The following ERC2 variants were observed in gnomAD, a reference collection of about 807,000 sequenced individuals.
ERC2 encodes the protein ERC protein 2.
In ERC2, 42 loss-of-function variants were observed where a neutral mutation model predicts 114.8. The observed-to-expected ratio is 0.37, with a 90% CI of 0.29 to 0.47. ERC2 has a LOEUF of 0.47. ERC2 is among the 20% of genes least tolerant of loss of function. ERC2 has a pLI of 0.99. For synonymous variants in ERC2, 454 were observed against 425.5 expected (o/e 1.07, Z -0.82); for missense variants, 939 against 1,150.7 (o/e 0.82, Z 2.66).
In ERC2 at chr3:56,296,011, G is replaced by C; in HGVS notation, c.1074+8C>G. Reference sequence around the variant, plus strand: ...AAGGCTTTGGGGAAATACAGTGAATGCTCTTACCTCTCTAAGATGTATGTT... The same window carrying C: ...AAGGCTTTGGGGAAATACAGTGAATCCTCTTACCTCTCTAAGATGTATGTT... On this transcript the variant is annotated splice_region_variant and intron_variant, in intron 3 of 17. Coordinates refer to ENST00000288221, the MANE Select transcript of ERC2 (RefSeq NM_015576.3). 6.4e-7 allele frequency: 1 copy of C among 1,561,254 alleles called. No individual in the cohort carries two copies. Among genetic ancestry groups the C allele is most frequent in the Non-Finnish European group, 8.7e-7 (1 of 1,154,078 alleles).
At chr3:55,814,255 C>T (rs1171399727) in intron 14 of ERC2, among the ~76,000 whole-genome samples, 1 of 152,170 alleles carries the variant, frequency 6.6e-6, no homozygotes, top group Non-Finnish European at 1.5e-5. Context: ...ATCCAACCTT[C>T]AGGGTTATTT....
chr3:55,590,503 A>C (rs1331755675), intron 17 of ERC2, among the ~76,000 whole-genome samples: 3 of 152,234 alleles, frequency 2.0e-5, no homozygotes, highest in African/African-American at 7.2e-5. Context: ...AATGCCCATC[A>C]AAAGGACATA....
chr3:55,605,536 C>T (rs1159230943), intron 17 of ERC2, among the ~76,000 whole-genome samples: 8 of 152,124 alleles, frequency 5.3e-5, no homozygotes, highest in Non-Finnish European at 8.8e-5. Flanking sequence ...TCATTGCATA[C>T]GGAAGTACTC....
chr3:56,139,089 G>C (rs1434370310), intron 6 of ERC2, among the ~76,000 whole-genome samples: 1 of 152,020 alleles, frequency 6.6e-6, no homozygotes, highest in Non-Finnish European at 1.5e-5. Context: ...TATGATTTTT[G>C]ATAAAATGAA....
At chr3:56,071,686 G>T (rs2076745405) in intron 7 of ERC2, among the ~76,000 whole-genome samples, 1 of 152,098 alleles carries the variant, frequency 6.6e-6, no homozygotes, top group Non-Finnish European at 1.5e-5. Context: ...TCCTAGCTTT[G>T]GTTCCTTTGA....
At chr3:55,542,958 C>T (rs1281001204) in intron 17 of ERC2, among the ~76,000 whole-genome samples, 6 of 152,216 alleles carry the variant, frequency 3.9e-5, no homozygotes, top group Non-Finnish European at 8.8e-5. Context: ...AGAAGGGAAT[C>T]CTCTGCAGGG....
intron 14 of ERC2, among the ~76,000 whole-genome samples, chr3:55,761,452 A>G (rs2067422898): frequency 6.6e-6 from 1 of 150,842 alleles, no homozygotes; most frequent in Non-Finnish European, 1.5e-5. Context: ...TCCATGTGTT[A>G]TCTGGCAACC....
At chr3:55,577,359 A>G (rs913040016) in intron 17 of ERC2, among the ~76,000 whole-genome samples, 1 of 152,220 alleles carries the variant, frequency 6.6e-6, no homozygotes, top group Non-Finnish European at 1.5e-5. Flanking sequence ...TCTACTAATA[A>G]AAGGGCAGTG....
intron 15 of ERC2, among the ~76,000 whole-genome samples, chr3:55,712,341 T>A (rs981590342): frequency 2.6e-5 from 4 of 152,138 alleles, no homozygotes; most frequent in Non-Finnish European, 5.9e-5. Context: ...AGGAGCCCAG[T>A]CATTTGAACA....
intron 17 of ERC2, among the ~76,000 whole-genome samples, chr3:55,647,591 G>C (rs2060450065): frequency 6.6e-6 from 1 of 152,094 alleles, no homozygotes; most frequent in Non-Finnish European, 1.5e-5. Context: ...AAGAGAGAGA[G>C]AGAGACAGAG....
chr3:56,421,869 T>A (rs943453976), intron 2 of ERC2, among the ~76,000 whole-genome samples: 3 of 152,172 alleles, frequency 2.0e-5, no homozygotes, highest in African/African-American at 7.2e-5. Flanking sequence ...GGGTTTCTGC[T>A]ACTTGCAACC....
chr3:55,717,132 AATCTAACTATTT>A (rs1314866805), intron 15 of ERC2, among the ~76,000 whole-genome samples: 5 of 152,226 alleles, frequency 3.3e-5, no homozygotes, highest in Admixed American at 3.3e-4. Flanking sequence ...TGCTGCAGGT[AATCTAACTATTT>A]TAAACATTGA....
intron 6 of ERC2, among the ~76,000 whole-genome samples, chr3:56,102,152 T>C (rs769329126): frequency 2.6e-5 from 4 of 152,120 alleles, no homozygotes; most frequent in Non-Finnish European, 4.4e-5. Flanking sequence ...GAATCGCAAA[T>C]CAAATGCAAA....
At chr3:56,272,495 C>A (rs564920745) in intron 3 of ERC2, among the ~76,000 whole-genome samples, 2 of 152,348 alleles carry the variant, frequency 1.3e-5, no homozygotes, top group South Asian at 4.1e-4. Context: ...TAAGGCCAGG[C>A]ACAGTGGCTC....
chr3:55,682,585 T>C (rs2062112026), intron 17 of ERC2, among the ~76,000 whole-genome samples: 1 of 152,186 alleles, frequency 6.6e-6, no homozygotes, highest in South Asian at 2.1e-4. Context: ...GTACCAGCTC[T>C]TGGTTAAACT....
intron 14 of ERC2, among the ~76,000 whole-genome samples, chr3:55,776,604 G>A (rs1054604136): frequency 6.6e-6 from 1 of 152,158 alleles, no homozygotes; most frequent in African/African-American, 2.4e-5. Context: ...CTGGGGGTAC[G>A]GAAAGGGGCT....
At chr3:55,622,479 C>T (rs2059368135) in intron 17 of ERC2, among the ~76,000 whole-genome samples, 2 of 151,918 alleles carry the variant, frequency 1.3e-5, no homozygotes, top group Admixed American at 6.6e-5. Context: ...ATCTACTTGG[C>T]CAAAGGAAGA....
intron 2 of ERC2, among the ~76,000 whole-genome samples, chr3:56,402,550 C>G (rs182733324): frequency 2.0e-5 from 3 of 152,174 alleles, no homozygotes; most frequent in African/African-American, 7.2e-5. Context: ...GCAACCTGCC[C>G]CCTAGGAGGG....
At chr3:56,436,472 A>G (rs928687294) in intron 1 of ERC2, among the ~76,000 whole-genome samples, 9 of 152,164 alleles carry the variant, frequency 5.9e-5, no homozygotes, top group African/African-American at 2.2e-4. Context: ...CCTATCATTC[A>G]TCCCTTCCCC....
Sources: gnomAD v4.1 joint callset for allele counts (sites outside exome capture counted in the v4.1 genomes callset) on GRCh38, gnomAD v4.1.1 for gene constraint, MANE v1.5 for transcripts, NCBI Gene and HGNC (gene_info 2026-07-23, HGNC 2026-07-21) for gene names.